The following KCNH8 variants were observed in gnomAD, a reference collection of about 807,000 sequenced individuals.
KCNH8 encodes potassium voltage-gated channel subfamily H member 8, also known as voltage-gated delayed rectifier potassium channel KCNH8.
Under a neutral mutation model 103.6 loss-of-function variants are expected in KCNH8, and 70 were observed. That is an observed-to-expected ratio of 0.68 (90% CI 0.56 to 0.82). The LOEUF (loss-of-function observed/expected upper bound fraction) is 0.82. Ranked by LOEUF, KCNH8 falls within the 40% of genes least tolerant of loss-of-function variation. KCNH8 has a pLI of 0.00. For synonymous variants in KCNH8, 498 were observed against 489.4 expected, an observed-to-expected ratio of 1.02 and a Z score of -0.23; for missense variants, 1,217 against 1,329.9, an observed-to-expected ratio of 0.92 and a Z score of 1.32.
intron 11 of KCNH8, among the ~76,000 whole-genome samples, chr3:19,489,609 A>G (rs1469949689): frequency 6.6e-6 from 1 of 152,066 alleles, no homozygotes; most frequent in African/African-American, 2.4e-5. Context: ...TCATAACTCC[A>G]TAGTCTCCCT....
intron 7 of KCNH8, among the ~76,000 whole-genome samples, chr3:19,429,451 G>T (rs1575057304): frequency 6.6e-6 from 1 of 152,166 alleles, no homozygotes; most frequent in Non-Finnish European, 1.5e-5. Context: ...TGGGATTACA[G>T]GCGTGAGCCA....
chr3:19,186,287 TA>T (rs201199269), intron 1 of KCNH8, among the ~76,000 whole-genome samples: 6,938 of 106,282 alleles, frequency 0.065, 482 homozygotes, highest in African/African-American at 0.17. Context: ...TTAAAAAATG[TA>T]AAAAAAAAAA....
At chr3:19,504,520 G>A (rs2068653432) in intron 11 of KCNH8, among the ~76,000 whole-genome samples, 1 of 152,024 alleles carries the variant, frequency 6.6e-6, no homozygotes, top group Non-Finnish European at 1.5e-5. Flanking sequence ...AGTGGGTAAA[G>A]GCCATGAACA....
chr3:19,219,668 A>C (rs918642436), intron 1 of KCNH8, among the ~76,000 whole-genome samples: 10 of 152,352 alleles, frequency 6.6e-5, no homozygotes, highest in South Asian at 2.1e-4. Context: ...TGCCATCTTC[A>C]TGATGACTGC....
chr3:19,279,829 A>C (rs1229490114), intron 2 of KCNH8, among the ~76,000 whole-genome samples: 2 of 152,130 alleles, frequency 1.3e-5, no homozygotes, highest in East Asian at 3.9e-4. Context: ...GGATGAATAC[A>C]TAGCTGTGTT....
chr3:19,403,465 C>T (rs756811838), intron 7 of KCNH8, among the ~76,000 whole-genome samples: 9 of 147,482 alleles, frequency 6.1e-5, no homozygotes, highest in Non-Finnish European at 1.4e-4. Context: ...CATGGAAGAA[C>T]ATATTGCAAA....
intron 2 of KCNH8, among the ~76,000 whole-genome samples, chr3:19,258,941 C>CTATATATATA (rs1559446903): frequency 6.2e-5 from 4 of 64,528 alleles, no homozygotes; most frequent in Non-Finnish European, 9.4e-5. Context: ...CTCTCTCTCT[C>CTATATATATA]TCTCTCTATA....
Position 19,316,038 on chromosome 3 carries a change from A to G in KCNH8, c.443-26549A>G, listed in dbSNP as rs372484322. Among the ~76,000 whole-genome samples, 5 of 152,180 alleles carry G rather than the reference A, an allele frequency of 3.3e-5. No individual in the cohort carries two copies. In the South Asian group the frequency reaches 6.2e-4, roughly 19 times the overall value. ...TTTATTGTGTGTGACCTAAAGATTT[A>G]AAAGAAATTAAGTCATGTATTAATT... On this transcript the variant is annotated intron_variant, in intron 3 of 15. Transcript: ENST00000328405.
intron 5 of KCNH8, among the ~76,000 whole-genome samples, chr3:19,351,495 G>C (rs968908668): frequency 6.6e-6 from 1 of 152,118 alleles, no homozygotes; most frequent in African/African-American, 2.4e-5. Flanking sequence ...GAAAGGTCGG[G>C]TTACCCACAA....
In KCNH8 at chr3:19,196,168, T is replaced by A. The variant is rs1575428446; in HGVS notation, c.76+47373T>A. The stretch of plus-strand genomic sequence containing the variant: ...CTCTTCAAGAGACTCAAGCCTCTCC[T>A]TTGTTCAGTTATTGTCTTCCTCTAC... On this transcript the variant is annotated intron_variant, in intron 1 of 15. Coordinates refer to ENST00000328405, the MANE Select transcript of KCNH8 (RefSeq NM_144633.3). 2.0e-5 allele frequency among the ~76,000 whole-genome samples: 3 copies of A among 152,156 alleles called. 1 individual carries two copies. In the South Asian group the frequency reaches 6.2e-4, roughly 32 times the overall value.
chr3:19,501,066 T>G (rs886217886), intron 11 of KCNH8, among the ~76,000 whole-genome samples: 1 of 151,772 alleles, frequency 6.6e-6, no homozygotes, highest in East Asian at 1.9e-4. Flanking sequence ...AAGAATCAAA[T>G]AGACACAATA....
At chr3:19,272,916 CAG>C (rs1191938269) in intron 2 of KCNH8, among the ~76,000 whole-genome samples, 5 of 152,126 alleles carry the variant, frequency 3.3e-5, no homozygotes, top group Non-Finnish European at 7.4e-5. Context: ...AGGGATAAGA[CAG>C]AGATCTATTC....
At chr3:19,463,699 A>G (rs1355459928) in intron 11 of KCNH8, among the ~76,000 whole-genome samples, 1 of 152,124 alleles carries the variant, frequency 6.6e-6, no homozygotes, top group African/African-American at 2.4e-5. Context: ...TACTTAGTCC[A>G]TTTAAATATA....
chr3:19,281,256 A>G lies in KCNH8; in HGVS notation c.369A>G (p.Val123=). ...CCATAAAGAATGAAAAAGGAGATGTAGTACTTTTTCTGGCCTCGTTCAAAG... is the reference window on the plus strand; with the variant it reads ...CCATAAAGAATGAAAAAGGAGATGTGGTACTTTTTCTGGCCTCGTTCAAAG... ...IVPIKNEKGD[V]VLFLASFKDI... The change falls in exon 3 of 16, where the codon GTA becomes GTG. Residue 123 remains valine (V), a synonymous_variant. Transcript: ENST00000328405. 6.2e-7 allele frequency: 1 copy of G among 1,610,616 alleles called. No individual in the cohort carries two copies. The highest frequency in any genetic ancestry group is 8.5e-7 in the Non-Finnish European group (1 of 1,177,314).
intron 1 of KCNH8, among the ~76,000 whole-genome samples, chr3:19,171,172 A>G (rs1269699166): frequency 1.3e-5 from 2 of 152,096 alleles, no homozygotes; most frequent in Non-Finnish European, 2.9e-5. Flanking sequence ...TACTTGTTCT[A>G]ATTTCCTCAC....
intron 3 of KCNH8, among the ~76,000 whole-genome samples, chr3:19,298,921 C>CAAA (rs56304109): frequency 6.5e-4 from 50 of 76,940 alleles, no homozygotes; most frequent in African/African-American, 1.2e-3. Flanking sequence ...GACTCCGTCT[C>CAAA]AAAAAAAAAA....
At chr3:19,520,158 CTATGG>C (rs951804476) in intron 15 of KCNH8, among the ~76,000 whole-genome samples, 1 of 151,186 alleles carries the variant, frequency 6.6e-6, no homozygotes, top group Non-Finnish European at 1.5e-5. Flanking sequence ...TATACACGTG[CTATGG>C]TGGTTTGCTG....
Position 19,456,017 on chromosome 3 carries a change from T to C in KCNH8, c.1826-751T>C, listed in dbSNP as rs561653184. Among the ~76,000 whole-genome samples, 14 of 152,216 alleles carry C rather than the reference T, an allele frequency of 9.2e-5. No individual in the cohort carries two copies. In the East Asian group the frequency reaches 2.1e-3, roughly 23 times the overall value. On this transcript the variant is annotated intron_variant, in intron 10 of 15. Coordinates refer to ENST00000328405, the MANE Select transcript of KCNH8 (RefSeq NM_144633.3). ...TGAGTTTTGAGCAGCAAGTTAGATT[T>C]CTAATGAAATATACAAGAAACAAAA...
intron 11 of KCNH8, among the ~76,000 whole-genome samples, chr3:19,499,797 C>T (rs1358281923): frequency 6.6e-6 from 1 of 152,072 alleles, no homozygotes; most frequent in Non-Finnish European, 1.5e-5. Flanking sequence ...AAGCGCTAAA[C>T]ATGGAAAGAA....
Sources: allele counts gnomAD v4.1 joint callset (sites outside exome capture counted in the v4.1 genomes callset), GRCh38; gene constraint gnomAD v4.1.1; transcripts MANE v1.5; gene names NCBI Gene and HGNC (gene_info 2026-07-23, HGNC 2026-07-21).